The following ARFGEF1 variants were observed in gnomAD, a reference collection of about 807,000 sequenced individuals.
ARFGEF1 encodes the protein brefeldin A-inhibited guanine nucleotide-exchange protein 1.
In ARFGEF1, 42 loss-of-function variants were observed where a neutral mutation model predicts 231.0. The observed-to-expected ratio is 0.18, with a 90% CI of 0.14 to 0.24. ARFGEF1 has a LOEUF of 0.24. ARFGEF1 is among the 10% of genes least tolerant of loss of function. The pLI, the probability that ARFGEF1 is intolerant of heterozygous loss-of-function variation, is 1.00. For synonymous variants in ARFGEF1, 710 were observed against 732.3 expected (o/e 0.97, Z 0.49); for missense variants, 1,345 against 2,192.0 (o/e 0.61, Z 7.72).
chr8:67,226,270 C>T, intron 27 of ARFGEF1, 87 bp from the exon 28 acceptor site: 1 of 1,195,732 alleles, frequency 8.4e-7, no homozygotes, highest in Non-Finnish European at 1.1e-6. Flanking sequence ...ATGTAATGCA[C>T]TTCCTCTTAA....
chr8:67,289,345 G>A (rs868478373), intron 6 of ARFGEF1, among the ~76,000 whole-genome samples: 2 of 151,932 alleles, frequency 1.3e-5, no homozygotes, highest in South Asian at 2.1e-4. Flanking sequence ...CTTGAGCCCA[G>A]GAGTTCAAGA....
In ARFGEF1 at chr8:67,265,900, C is replaced by G. The variant is rs1297186588; in HGVS notation, c.2123+106G>C. On this transcript the variant is annotated intron_variant, in intron 14 of 38. Coordinates refer to ENST00000262215, the MANE Select transcript of ARFGEF1 (RefSeq NM_006421.5). ...GCCTCGTGAATTAGATCCATGAGAA[C>G]TATCCTCCATTTTACTCATTATAAG... The G allele has an allele frequency of 4.0e-6, 4 of 999,832 alleles. No homozygotes were observed. The African/African-American group carries it at 6.5e-5, about 16-fold the overall frequency. 61.9% of individuals were successfully genotyped at this position (999,832 alleles called of 1,614,324 possible). A position where few individuals can be genotyped will look rare whatever the true frequency, so the allele number is the denominator to read the frequency against.
intron 5 of ARFGEF1, among the ~76,000 whole-genome samples, chr8:67,176,965 G>A (rs112843260): frequency 7.0e-4 from 107 of 151,780 alleles, no homozygotes; most frequent in African/African-American, 2.3e-3. Flanking sequence ...CAGCTACTCC[G>A]GAGCCTGAGT....
intron 6 of ARFGEF1, among the ~76,000 whole-genome samples, chr8:67,288,686 C>T (rs1246846864): frequency 6.6e-6 from 1 of 151,888 alleles, no homozygotes; most frequent in Non-Finnish European, 1.5e-5. Context: ...TGAGCTGAGA[C>T]TGCACCACCG....
intron 1 of ARFGEF1, among the ~76,000 whole-genome samples, chr8:67,333,219 G>A (rs773711380): frequency 1.3e-5 from 2 of 151,908 alleles, no homozygotes; most frequent in African/African-American, 4.8e-5. Context: ...ATTTTTGGTA[G>A]AGACAGGGTT....
At chr8:67,226,401 T>C (rs1470886302) in intron 27 of ARFGEF1, among the ~76,000 whole-genome samples, 1 of 152,088 alleles carries the variant, frequency 6.6e-6, no homozygotes, top group African/African-American at 2.4e-5. Flanking sequence ...ATTATAAACA[T>C]AGCACCTAAT....
In ARFGEF1 at chr8:67,202,979, CA is replaced by C. The variant is rs1838387297; in HGVS notation, c.5128+103del. On this transcript the variant is annotated intron_variant, in intron 36 of 38. Coordinates refer to ENST00000262215, the MANE Select transcript of ARFGEF1 (RefSeq NM_006421.5). ...GTTAAGGTCAGAGTACATATAGTGACATGCACAGACCTATAGCAGACAGTCA... is the reference window on the plus strand; with the variant it reads ...GTTAAGGTCAGAGTACATATAGTGACTGCACAGACCTATAGCAGACAGTCA... The C allele has an allele frequency of 2.4e-5, 29 of 1,199,082 alleles. No homozygotes were observed. In the South Asian group the frequency reaches 3.4e-4, roughly 14 times the overall value. 74.3% of individuals were successfully genotyped at this position (1,199,082 alleles called of 1,614,324 possible).
At chr8:67,332,543 A>G (rs1221429232) in intron 1 of ARFGEF1, among the ~76,000 whole-genome samples, 1 of 152,202 alleles carries the variant, frequency 6.6e-6, no homozygotes, top group African/African-American at 2.4e-5. Context: ...ATTGTACACG[A>G]CAGATTTGGG....
chr8:67,339,062 A>C (rs886745402), intron 1 of ARFGEF1, among the ~76,000 whole-genome samples: 1 of 152,204 alleles, frequency 6.6e-6, no homozygotes, highest in African/African-American at 2.4e-5. Flanking sequence ...GCAAGTTCTG[A>C]AAAGTTTGAG....
chr8:67,244,337 G>GCAGGTTCA (rs1461134944), intron 19 of ARFGEF1, among the ~76,000 whole-genome samples: 2 of 122,244 alleles, frequency 1.6e-5, no homozygotes, highest in African/African-American at 6.5e-5. Flanking sequence ...TTTTTTTGAG[G>GCAGGTTCA]ATCTCACTCT....
chr8:67,198,903 T>C lies in ARFGEF1; in HGVS notation c.*31A>G, dbSNP rs747658371. The stretch of plus-strand genomic sequence containing the variant: ...AGCGTCCTTTTAAAGAGCAGAGGGA[T>C]GTAAATGCCAACAAAAATATTAAGT... On this transcript the variant is annotated 3_prime_UTR_variant, in exon 39 of 39. Transcript: ENST00000262215. The C allele has an allele frequency of 8.7e-6, 14 of 1,609,876 alleles. No homozygotes were observed. Among genetic ancestry groups the C allele is most frequent in the Non-Finnish European group, 1.2e-5 (14 of 1,178,884 alleles).
chr8:67,306,684 T>C (rs1430707671), intron 1 of ARFGEF1, among the ~76,000 whole-genome samples: 2 of 152,242 alleles, frequency 1.3e-5, no homozygotes, highest in Non-Finnish European at 2.9e-5. Flanking sequence ...TTATATATAG[T>C]ATAGTTTACA....
chr8:67,343,661 G>C lies in ARFGEF1; in HGVS notation c.-374C>G. ...GGAACTGAGGGACGAGGTGGCGGCG[G>C]CTCTCAGAGGCACCGCGAGAGAAGG... On this transcript the variant is annotated 5_prime_UTR_variant, in exon 1 of 39. Transcript: ENST00000262215. 1 of 975,654 alleles carries C rather than the reference G, an allele frequency of 1.0e-6. No individual in the cohort carries two copies. Among genetic ancestry groups the C allele is most frequent in the Non-Finnish European group, 1.2e-6 (1 of 813,948 alleles). 60.4% of individuals were successfully genotyped at this position (975,654 alleles called of 1,614,324 possible). A position where few individuals can be genotyped will look rare whatever the true frequency, so the allele number is the denominator to read the frequency against.
At chr8:67,299,080 G>A (rs971230862) in intron 4 of ARFGEF1, 129 bp downstream of exon 4, 13 of 913,210 alleles carry the variant, frequency 1.4e-5, no homozygotes, top group Admixed American at 3.5e-5. Flanking sequence ...CACTGAGCCC[G>A]GCCTCGAATA....
intron 6 of ARFGEF1, among the ~76,000 whole-genome samples, chr8:67,288,689 C>T (rs1393056512): frequency 6.6e-6 from 1 of 151,888 alleles, no homozygotes; most frequent in Non-Finnish European, 1.5e-5. Flanking sequence ...GCTGAGACTG[C>T]ACCACCGCAC....
chr8:67,235,838 A>G (rs1193122783), intron 22 of ARFGEF1, among the ~76,000 whole-genome samples: 1 of 152,156 alleles, frequency 6.6e-6, no homozygotes, highest in Non-Finnish European at 1.5e-5. Flanking sequence ...ATATAATTCA[A>G]ATCTAATAAT....
At chr8:67,310,722 T>C (rs1806973405) in intron 1 of ARFGEF1, among the ~76,000 whole-genome samples, 2 of 144,452 alleles carry the variant, frequency 1.4e-5, no homozygotes, top group African/African-American at 5.2e-5. Context: ...CAATCTGGGA[T>C]GTGAGGAGCG....
chr8:67,319,059 TGAAA>T (rs767416521), intron 1 of ARFGEF1, among the ~76,000 whole-genome samples: 22 of 152,238 alleles, frequency 1.4e-4, no homozygotes, highest in Non-Finnish European at 2.9e-4. Flanking sequence ...AAATATATAC[TGAAA>T]GAAATGCTGA....
intron 33 of ARFGEF1, among the ~76,000 whole-genome samples, chr8:67,212,196 C>T (rs1360574993): frequency 6.6e-6 from 1 of 152,132 alleles, no homozygotes; most frequent in Non-Finnish European, 1.5e-5. Flanking sequence ...GATTCTCCTG[C>T]CTCAGCCTCC....
Sources: allele counts gnomAD v4.1 joint callset (sites outside exome capture counted in the v4.1 genomes callset), GRCh38; gene constraint gnomAD v4.1.1; transcripts MANE v1.5; gene names NCBI Gene and HGNC (gene_info 2026-07-23, HGNC 2026-07-21).